EMC3: variants seen among roughly 807,000 people sequenced by gnomAD.
The protein encoded by EMC3 is ER membrane protein complex subunit 3.
Under a neutral mutation model 36.6 loss-of-function variants are expected in EMC3, and 13 were observed. The observed-to-expected ratio is 0.35, with a 90% CI of 0.23 to 0.56. The LOEUF (loss-of-function observed/expected upper bound fraction) is 0.56, where lower values mean the gene tolerates loss of function less well. Among genes scored for constraint, EMC3 ranks in the 20% least tolerant of loss-of-function variants. EMC3 has a pLI of 0.84. For synonymous variants in EMC3, 120 were observed against 111.9 expected (o/e 1.07, Z -0.46); for missense variants, 220 against 324.5 (o/e 0.68, Z 2.47).
At chr3:10,007,370 C>T (rs544755157) in intron 1 of EMC3, 2 of 1,362,878 alleles carry the variant, frequency 1.5e-6, no homozygotes, top group East Asian at 9.1e-5. Flanking sequence ...CCAGGAGGAT[C>T]CTGAAGCCCT....
At chr3:9,982,442 A>G (rs2085921961) in intron 1 of EMC3, among the ~76,000 whole-genome samples, 1 of 151,730 alleles carries the variant, frequency 6.6e-6, no homozygotes. Context: ...TCTAGTAGAG[A>G]CGGGGTTTCA....
At chr3:9,981,196 C>G (rs965798147) in intron 1 of EMC3, among the ~76,000 whole-genome samples, 4 of 152,182 alleles carry the variant, frequency 2.6e-5, no homozygotes, top group Admixed American at 1.3e-4. Context: ...GCAGCCTCAA[C>G]CTCTTTAGTC....
intron 1 of EMC3, among the ~76,000 whole-genome samples, chr3:10,008,086 C>T (rs549269132): frequency 1.3e-5 from 2 of 152,180 alleles, no homozygotes; most frequent in African/African-American, 4.8e-5. Flanking sequence ...CCAGTTTGTA[C>T]CCCCAGAAAG....
upstream of EMC3, among the ~76,000 whole-genome samples, chr3:9,989,788 C>CT (rs1559355677): frequency 6.6e-6 from 1 of 151,830 alleles, no homozygotes; most frequent in South Asian, 2.1e-4. Flanking sequence ...AATTTGTATT[C>CT]TTTTTTCTCA....
chr3:9,982,815 T>G (rs2085925917), intron 1 of EMC3, among the ~76,000 whole-genome samples: 2 of 151,180 alleles, frequency 1.3e-5, no homozygotes, highest in Admixed American at 1.3e-4. Context: ...GAGCCTGAGA[T>G]GTTGAGGCTG....
upstream of EMC3, among the ~76,000 whole-genome samples, chr3:9,990,885 G>T (rs2086042287): frequency 6.6e-6 from 1 of 151,812 alleles, no homozygotes. Context: ...CTGTAGTGCA[G>T]TGGCACGATC....
At chr3:9,964,331 A>T (rs2085716951) in intron 7 of EMC3, 134 bp from the exon 8 acceptor site, 1 of 1,397,462 alleles carries the variant, frequency 7.2e-7, no homozygotes, top group Non-Finnish European at 9.4e-7. Flanking sequence ...ATTCAATCCT[A>T]CAAGGGAAAT....
upstream of EMC3, chr3:9,987,928 A>C: frequency 1.9e-6 from 2 of 1,030,356 alleles, no homozygotes; most frequent in South Asian, 2.5e-5. Context: ...CTTCGGGAGA[A>C]GTTGGATCCT....
chr3:10,004,714 G>C (rs17050705), intron 1 of EMC3: 53,112 of 152,190 alleles, frequency 0.35, 12,124 homozygotes, highest in African/African-American at 0.65. Context: ...GCCCCACCAG[G>C]AGACACCAGA....
chr3:9,967,954 G>A (rs1201675991), intron 7 of EMC3, among the ~76,000 whole-genome samples: 3 of 151,952 alleles, frequency 2.0e-5, no homozygotes, highest in Non-Finnish European at 4.4e-5. Flanking sequence ...ACGAAGTCTC[G>A]CTCTGTCACC....
chr3:9,975,875 G>A (rs2085844152), intron 3 of EMC3, among the ~76,000 whole-genome samples: 1 of 150,458 alleles, frequency 6.6e-6, no homozygotes, highest in Admixed American at 6.6e-5. Context: ...GATTATTAGT[G>A]AGGTCAAGTA....
At chr3:9,992,139 T>C (rs2086061240) in intron 1 of EMC3, among the ~76,000 whole-genome samples, 1 of 151,898 alleles carries the variant, frequency 6.6e-6, no homozygotes. Context: ...AAGTCTTTTT[T>C]AGACAGAGTC....
intron 1 of EMC3, among the ~76,000 whole-genome samples, chr3:9,996,287 A>G (rs527665131): frequency 6.6e-6 from 1 of 152,078 alleles, no homozygotes; most frequent in African/African-American, 2.4e-5. Context: ...CTACAAAAAC[A>G]TACAAAAATT....
At chr3:9,993,124 T>C in intron 1 of EMC3, 1 of 683,840 alleles carries the variant, frequency 1.5e-6, no homozygotes, top group East Asian at 2.7e-5. Context: ...TTTTTGAATT[T>C]TATTTTTGCA....
At chr3:9,977,313 C>T (rs2085860463) in intron 2 of EMC3, 76 bp downstream of exon 2, 4 of 1,377,280 alleles carry the variant, frequency 2.9e-6, no homozygotes, top group Admixed American at 2.2e-5. Flanking sequence ...TTCCCCAGAG[C>T]CCCCTTATAA....
chr3:10,000,588 TA>T, intron 1 of EMC3: 2 of 389,716 alleles, frequency 5.1e-6, no homozygotes, highest in South Asian at 2.0e-5. Flanking sequence ...ATGGTACACA[TA>T]AAACAGTCAT....
At chr3:9,998,715 A>T (rs149584283) in intron 1 of EMC3, among the ~76,000 whole-genome samples, 4 of 151,952 alleles carry the variant, frequency 2.6e-5, no homozygotes, top group Admixed American at 6.6e-5. Flanking sequence ...GGCCATTTCT[A>T]TATTTTTGTA....
At chr3:9,966,589 T>C (rs1174054184) in intron 7 of EMC3, among the ~76,000 whole-genome samples, 2 of 151,680 alleles carry the variant, frequency 1.3e-5, no homozygotes, top group African/African-American at 4.8e-5. Flanking sequence ...CAGGGTGGAG[T>C]GCAGTGGCGC....
At chr3:9,992,852 T>G in intron 1 of EMC3, 1 of 1,382,540 alleles carries the variant, frequency 7.2e-7, no homozygotes, top group Non-Finnish European at 1.0e-6. Flanking sequence ...GTTAACTGTT[T>G]TTCTATTATT....
Sources: allele counts gnomAD v4.1 joint callset (sites outside exome capture counted in the v4.1 genomes callset), GRCh38; gene constraint gnomAD v4.1.1; transcripts MANE v1.5; gene names NCBI Gene and HGNC (gene_info 2026-07-23, HGNC 2026-07-21).